Variants in PTPRA observed in about 807,000 individuals in gnomAD.
PTPRA encodes receptor-type tyrosine-protein phosphatase alpha.
Under a neutral mutation model 104.8 loss-of-function variants are expected in PTPRA, and 25 were observed. The observed-to-expected ratio is 0.24, with a 90% CI of 0.17 to 0.33. The LOEUF (loss-of-function observed/expected upper bound fraction) is 0.33, where lower values mean the gene tolerates loss of function less well. Ranked by LOEUF, PTPRA falls within the 10% of genes least tolerant of loss-of-function variation. PTPRA has a pLI of 1.00. For missense variants in PTPRA, 765 were observed against 1,015.3 expected (o/e 0.75, Z 3.35); for synonymous variants, 323 against 368.9 (o/e 0.88, Z 1.43).
At chr20:2,870,847 G>T (rs940760717), upstream of PTPRA, among the ~76,000 whole-genome samples, 10 of 152,208 alleles carry the variant, frequency 6.6e-5, no homozygotes, top group African/African-American at 2.4e-4. Flanking sequence ...GCAGGACTAG[G>T]AGTAGGAGGG....
chr20:2,914,169 A>G (rs564781959), intron 1 of PTPRA, among the ~76,000 whole-genome samples: 1 of 152,314 alleles, frequency 6.6e-6, no homozygotes, highest in African/African-American at 2.4e-5. Flanking sequence ...TTGTCCTATC[A>G]TTCTTTGATC....
chr20:2,865,589 G>C, the PTPRA span: 1 of 1,170,600 alleles, frequency 8.5e-7, no homozygotes. This position sits in a 1 kb window ranked among gnomAD's most constrained non-coding sequence, Gnocchi z 5.2. Context: ...GCCCGTTCAT[G>C]CTCCTGTTCA....
At chr20:3,012,654 G>A (rs1600252219) in intron 11 of PTPRA, among the ~76,000 whole-genome samples, 1 of 152,260 alleles carries the variant, frequency 6.6e-6, no homozygotes, top group Admixed American at 6.5e-5. Flanking sequence ...GTTATGTGCA[G>A]ATTAGAGATC....
At chr20:2,992,442 G>A (rs1280664480) in intron 9 of PTPRA, among the ~76,000 whole-genome samples, 9 of 152,078 alleles carry the variant, frequency 5.9e-5, no homozygotes, top group African/African-American at 1.7e-4. Flanking sequence ...GCTTGAACCC[G>A]GGAGGCAGAG....
Position 3,037,111 on chromosome 20 carries a change from G to T in PTPRA, c.2199-43G>T. ...CCACTGTCACTCACCCCCTTGCACA[G>T]AGGGCCATCACAGGTGTGGTAAATG... is the stretch of plus-strand genomic sequence containing the variant. On this transcript the variant is annotated intron_variant, in intron 22 of 23. Coordinates refer to ENST00000399903, the MANE Select transcript of PTPRA (RefSeq NM_001385305.1). This position sits in a 1 kb window ranked among gnomAD's most constrained non-coding sequence, Gnocchi z 4.3. 1 of 1,604,340 alleles carries T rather than the reference G, an allele frequency of 6.2e-7. No homozygotes were observed. Among genetic ancestry groups the T allele is most frequent in the South Asian group, 1.1e-5 (1 of 89,246 alleles).
At chr20:2,974,367 C>T (rs542787307) in intron 5 of PTPRA, among the ~76,000 whole-genome samples, 1 of 152,188 alleles carries the variant, frequency 6.6e-6, no homozygotes, top group South Asian at 2.1e-4. Context: ...TCTTGTGCCT[C>T]AGCCTCCCAA....
intron 14 of PTPRA, among the ~76,000 whole-genome samples, chr20:3,021,632 A>G (rs1168013706): frequency 1.3e-5 from 2 of 152,224 alleles, no homozygotes; most frequent in African/African-American, 4.8e-5. Flanking sequence ...TTACCTGTTG[A>G]GATGAAGTCT....
At chr20:2,944,025 GT>G (rs2061029177) in intron 2 of PTPRA, among the ~76,000 whole-genome samples, 1 of 149,616 alleles carries the variant, frequency 6.7e-6, no homozygotes, top group African/African-American at 2.5e-5. Context: ...TAGCTGTTTG[GT>G]TCCTCTACTG....
upstream of PTPRA, among the ~76,000 whole-genome samples, chr20:2,868,833 T>G (rs1307062320): frequency 6.6e-6 from 1 of 151,926 alleles, no homozygotes; most frequent in Non-Finnish European, 1.5e-5. Flanking sequence ...AACCCACATC[T>G]CCAAAGTAAC....
chr20:2,887,216 G>A (rs1456766251), intron 1 of PTPRA, among the ~76,000 whole-genome samples: 1 of 152,088 alleles, frequency 6.6e-6, no homozygotes, highest in Non-Finnish European at 1.5e-5. Context: ...TTAATTGATG[G>A]AAGTACCATT....
the PTPRA span, chr20:2,864,752 A>G: frequency 6.8e-6 from 9 of 1,321,204 alleles, no homozygotes; most frequent in South Asian, 2.5e-5. This position sits in a 1 kb window ranked among gnomAD's most constrained non-coding sequence, Gnocchi z 5.2. Flanking sequence ...TTGGGTGCAC[A>G]CTCCATCTGG....
chr20:2,935,988 C>T (rs1026275637), intron 2 of PTPRA, among the ~76,000 whole-genome samples: 1 of 150,988 alleles, frequency 6.6e-6, no homozygotes, highest in African/African-American at 2.4e-5. Context: ...CATTGCACTC[C>T]AGCCTGGGCG....
intron 1 of PTPRA, among the ~76,000 whole-genome samples, chr20:2,901,153 T>A (rs989237169): frequency 1.3e-5 from 2 of 152,014 alleles, no homozygotes; most frequent in African/African-American, 2.4e-5. Context: ...GTATTTTTGG[T>A]AGAGACAGGG....
upstream of PTPRA, among the ~76,000 whole-genome samples, chr20:2,872,219 C>T (rs1015382995): frequency 6.6e-6 from 1 of 152,048 alleles, no homozygotes; most frequent in African/African-American, 2.4e-5. This position sits in a 1 kb window ranked among gnomAD's most constrained non-coding sequence, Gnocchi z 7.9. Context: ...GATGGTAGGA[C>T]TGGAGATGGT....
intron 20 of PTPRA, among the ~76,000 whole-genome samples, chr20:3,029,367 C>T (rs2065308531): frequency 6.6e-6 from 1 of 151,828 alleles, no homozygotes; most frequent in Non-Finnish European, 1.5e-5. Context: ...TCTTGAACTC[C>T]TGGGCTCAAT....
At chr20:3,007,542 G>T (rs1398475229) in intron 11 of PTPRA, 122 bp downstream of exon 11, 3 of 1,083,612 alleles carry the variant, frequency 2.8e-6, no homozygotes, top group African/African-American at 1.6e-5. Flanking sequence ...GACAAGTCTG[G>T]TTTTTTTAAG....
chr20:2,940,231 GT>G (rs1247389241), intron 2 of PTPRA, among the ~76,000 whole-genome samples: 1 of 151,808 alleles, frequency 6.6e-6, no homozygotes, highest in Non-Finnish European at 1.5e-5. Flanking sequence ...AGTTCCAGTA[GT>G]TTTTTTTAAC....
At chr20:2,956,068 C>T (rs1318858545) in intron 3 of PTPRA, among the ~76,000 whole-genome samples, 2 of 152,152 alleles carry the variant, frequency 1.3e-5, no homozygotes, top group South Asian at 2.1e-4. Context: ...CATTAGCCTT[C>T]GATTCTACCC....
At chr20:2,910,083 T>C (rs1427361150) in intron 1 of PTPRA, among the ~76,000 whole-genome samples, 1 of 121,734 alleles carries the variant, frequency 8.2e-6, no homozygotes, top group Non-Finnish European at 1.6e-5. Flanking sequence ...TGATGTATAG[T>C]ATATATGATA....
Sources: gnomAD v4.1 joint callset for allele counts (sites outside exome capture counted in the v4.1 genomes callset) on GRCh38, gnomAD v4.1.1 for gene constraint, Gnocchi (gnomAD v3.1) non-coding constraint, MANE v1.5 for transcripts, NCBI Gene and HGNC (gene_info 2026-07-23, HGNC 2026-07-21) for gene names.